The following DOK6 variants were observed in gnomAD, a reference collection of about 807,000 sequenced individuals.
The protein encoded by DOK6 is docking protein 6.
A neutral mutation model predicts 44.0 loss-of-function variants in DOK6; 22 were observed. That is an observed-to-expected ratio of 0.50 (90% CI 0.36 to 0.71). DOK6 has a LOEUF of 0.71. Ranked by LOEUF, DOK6 falls within the 30% of genes least tolerant of loss-of-function variation. DOK6 has a pLI of 0.00. For synonymous variants in DOK6, 166 were observed against 145.5 expected (o/e 1.14, Z -1.01); for missense variants, 340 against 416.4 (o/e 0.82, Z 1.60).
chr18:69,823,506 G>C (rs775834380), intron 7 of DOK6, among the ~76,000 whole-genome samples: 15 of 152,144 alleles, frequency 9.9e-5, no homozygotes, highest in Admixed American at 5.2e-4. Context: ...TGGAAACTAT[G>C]TGTAGTTTCT....
chr18:69,791,576 C>G (rs891776796), intron 7 of DOK6, among the ~76,000 whole-genome samples: 1 of 152,122 alleles, frequency 6.6e-6, no homozygotes, highest in African/African-American at 2.4e-5. Context: ...CTATCCGGAT[C>G]TTTTGCCCAT....
intron 3 of DOK6, among the ~76,000 whole-genome samples, chr18:69,623,853 G>T (rs923628673): frequency 6.6e-6 from 1 of 152,132 alleles, no homozygotes; most frequent in African/African-American, 2.4e-5. Context: ...TGTGAATTGA[G>T]GGAGTATTAC....
rs76553619 is a variant in DOK6, at chr18:69,840,733, T to C, written c.857-511T>C. On this transcript the variant is annotated intron_variant, in intron 7 of 7. Transcript: ENST00000382713. The stretch of plus-strand genomic sequence containing the variant: ...CTAGGATAAGTCAGAATCTCTATCA[T>C]TGTAAAAGCTTTCTTTCTGATAATT... Among the ~76,000 whole-genome samples the C allele has an allele frequency of 9.1e-3, 1,390 of 152,342 alleles. 16 individuals carry two copies. Among genetic ancestry groups the C allele is most frequent in the African/African-American group, 0.031 (1,272 of 41,578 alleles).
intron 1 of DOK6, among the ~76,000 whole-genome samples, chr18:69,466,841 A>G (rs1400992647): frequency 6.6e-6 from 1 of 151,828 alleles, no homozygotes; most frequent in Non-Finnish European, 1.5e-5. Context: ...AAAGAAGGAG[A>G]GAAGGCCCCC....
At chr18:69,840,191 C>T (rs1476956066) in intron 7 of DOK6, among the ~76,000 whole-genome samples, 2 of 152,234 alleles carry the variant, frequency 1.3e-5, no homozygotes, top group African/African-American at 2.4e-5. Flanking sequence ...GGTCGGTGCT[C>T]GGCGTTAACA....
At chr18:69,636,501 C>T (rs1281437389) in intron 3 of DOK6, among the ~76,000 whole-genome samples, 2 of 152,182 alleles carry the variant, frequency 1.3e-5, no homozygotes, top group African/African-American at 4.8e-5. Flanking sequence ...AAATAGTTAA[C>T]AAGGTAGTCT....
intron 5 of DOK6, among the ~76,000 whole-genome samples, chr18:69,727,976 C>CAG (rs1978318851): frequency 6.6e-6 from 1 of 152,212 alleles, no homozygotes; most frequent in African/African-American, 2.4e-5. Flanking sequence ...AAAGGAACCC[C>CAG]AGATTCAAGC....
At chr18:69,532,048 A>T (rs72963580) in intron 1 of DOK6, among the ~76,000 whole-genome samples, 23,186 of 152,220 alleles carry the variant, frequency 0.15, 2,262 homozygotes, top group South Asian at 0.3. Flanking sequence ...GAGGACACAG[A>T]GAGAAGACAT....
chr18:69,484,483 G>T (rs952940250), intron 1 of DOK6, among the ~76,000 whole-genome samples: 1 of 152,196 alleles, frequency 6.6e-6, no homozygotes, highest in East Asian at 1.9e-4. Context: ...TTTGTTCAAT[G>T]AATCAAATAA....
chr18:69,584,449 C>T (rs548365228), intron 2 of DOK6, among the ~76,000 whole-genome samples: 1 of 152,094 alleles, frequency 6.6e-6, no homozygotes, highest in Admixed American at 6.5e-5. Context: ...TGGCCACCAG[C>T]CCGGCTAACT....
chr18:69,583,655 C>T (rs1983419343), intron 2 of DOK6, among the ~76,000 whole-genome samples: 2 of 151,680 alleles, frequency 1.3e-5, no homozygotes, highest in South Asian at 4.2e-4. Context: ...GGTGAAGCAC[C>T]TCTGTAATCC....
At chr18:69,457,789 G>C (rs907346237) in intron 1 of DOK6, among the ~76,000 whole-genome samples, 6 of 152,142 alleles carry the variant, frequency 3.9e-5, no homozygotes, top group African/African-American at 1.4e-4. Context: ...TTTTCAATTT[G>C]TTTGTGTCAT....
intron 1 of DOK6, among the ~76,000 whole-genome samples, chr18:69,438,944 C>T (rs1475086127): frequency 2.0e-5 from 3 of 152,042 alleles, no homozygotes; most frequent in Non-Finnish European, 4.4e-5. Flanking sequence ...TTGTAGCACA[C>T]GCCTGTAGTT....
intron 1 of DOK6, among the ~76,000 whole-genome samples, chr18:69,487,955 G>T (rs1327111563): frequency 6.6e-6 from 1 of 152,148 alleles, no homozygotes; most frequent in Non-Finnish European, 1.5e-5. Context: ...GAGCCCACAT[G>T]TCTTAGTCTT....
intron 4 of DOK6, among the ~76,000 whole-genome samples, chr18:69,684,525 G>A (rs147227560): frequency 7.4e-4 from 112 of 152,298 alleles, no homozygotes; most frequent in African/African-American, 2.5e-3. Context: ...GCTTATGGGG[G>A]AGAATACTGA....
intron 4 of DOK6, among the ~76,000 whole-genome samples, chr18:69,679,234 T>C (rs1985992841): frequency 6.6e-6 from 1 of 152,100 alleles, no homozygotes; most frequent in Admixed American, 6.5e-5. Flanking sequence ...CTAAATAGCA[T>C]AGGTAAAAGA....
chr18:69,639,434 C>T (rs1048217987), intron 3 of DOK6, among the ~76,000 whole-genome samples: 1 of 152,184 alleles, frequency 6.6e-6, no homozygotes, highest in African/African-American at 2.4e-5. Flanking sequence ...AGGGAGGGCT[C>T]CTGAGGATTT....
intron 1 of DOK6, among the ~76,000 whole-genome samples, chr18:69,485,721 C>G (rs999718166): frequency 1.3e-5 from 2 of 151,946 alleles, no homozygotes; most frequent in African/African-American, 4.8e-5. Context: ...AGAATGTTTT[C>G]TAGGAAGAAT....
At chr18:69,784,338 G>A (rs1002774971) in intron 7 of DOK6, among the ~76,000 whole-genome samples, 1 of 151,882 alleles carries the variant, frequency 6.6e-6, no homozygotes, top group Non-Finnish European at 1.5e-5. Flanking sequence ...TTCTTAGGCA[G>A]GAAATATGGA....
Sources: allele counts gnomAD v4.1 joint callset (sites outside exome capture counted in the v4.1 genomes callset), GRCh38; gene constraint gnomAD v4.1.1; transcripts MANE v1.5; gene names NCBI Gene and HGNC (gene_info 2026-07-23, HGNC 2026-07-21).